ATP13A3: variants seen among roughly 807,000 people sequenced by gnomAD.
ATP13A3 encodes the protein ATPase 13A3, also known as polyamine-transporting ATPase 13A3.
A neutral mutation model predicts 158.1 loss-of-function variants in ATP13A3; 59 were observed. The ratio of observed to expected loss-of-function variants is 0.37; its 90% confidence interval spans 0.30 to 0.46. ATP13A3 has a LOEUF of 0.46. ATP13A3 is among the 20% of genes least tolerant of loss of function. The pLI, the probability that ATP13A3 is intolerant of heterozygous loss-of-function variation, is 1.00. For missense variants in ATP13A3, 1,166 were observed against 1,525.2 expected, an observed-to-expected ratio of 0.76 and a Z score of 3.92; for synonymous variants, 491 against 504.3, an observed-to-expected ratio of 0.97 and a Z score of 0.35.
chr3:194,455,822 A>G, intron 8 of ATP13A3, 71 bp downstream of exon 8: 1 of 974,390 alleles, frequency 1.0e-6, no homozygotes, highest in East Asian at 2.8e-5. Flanking sequence ...GAATATTTTA[A>G]TCACAACTCA....
intron 16 of ATP13A3, among the ~76,000 whole-genome samples, chr3:194,440,359 G>T (rs1237381307): frequency 1.3e-5 from 2 of 152,164 alleles, no homozygotes; most frequent in Non-Finnish European, 2.9e-5. Flanking sequence ...CTGACATGAG[G>T]GTGAGGATTC....
intron 21 of ATP13A3, 64 bp from the exon 22 acceptor site, chr3:194,431,956 T>C (rs1717254604): frequency 7.5e-7 from 1 of 1,325,010 alleles, no homozygotes; most frequent in Admixed American, 2.7e-5. Context: ...ATCAAACATG[T>C]ACTTGCTGAG....
intron 10 of ATP13A3, chr3:194,451,606 A>C (rs1718812974): frequency 6.6e-6 from 1 of 152,296 alleles, no homozygotes; most frequent in African/African-American, 2.4e-5. Context: ...GCCAGGAAGC[A>C]CAGGGAAGGA....
At chr3:194,440,691 TG>T (rs1190305860) in intron 16 of ATP13A3, among the ~76,000 whole-genome samples, 2 of 152,240 alleles carry the variant, frequency 1.3e-5, no homozygotes, top group East Asian at 3.9e-4. Flanking sequence ...ACACCAGCCA[TG>T]GGGTGGGGGC....
At chr3:194,465,805 AAC>A (rs370056574) in intron 2 of ATP13A3, among the ~76,000 whole-genome samples, 4,903 of 148,584 alleles carry the variant, frequency 0.033, 247 homozygotes, top group African/African-American at 0.11. Flanking sequence ...CTCTACTAAA[AAC>A]ACACACACAC....
rs1372613496 is a variant in ATP13A3, at chr3:194,455,901, T to C, written c.622A>G (p.Ile208Val). Residue 208 changes from isoleucine to valine, a missense_variant, in exon 8 of 34, where the codon ATT (isoleucine) becomes GTT (valine). By Grantham distance (29) the Ile-to-Val change is conservative. This residue lies in a region of ATP13A3 where 997 missense variants were observed against 1,341.2 expected (regional missense o/e 0.74). Coordinates refer to ENST00000645319, the MANE Select transcript of ATP13A3 (RefSeq NM_001367549.1). ...ACAATCAATAGTCTTACCTCTTTAA[T>C]TAGAAGCTTAAAAACAGAAGGCACT... ...VKVPSVFKLL[I>V]KEVLNPFYIF... 4.6e-6 allele frequency: 7 copies of C among 1,535,388 alleles called. No homozygotes were observed. Among genetic ancestry groups the C allele is most frequent in the Non-Finnish European group, 5.3e-6 (6 of 1,127,104 alleles).
At chr3:194,447,222 A>C (rs1718465864) in intron 13 of ATP13A3, 107 bp from the exon 14 acceptor site, 1 of 915,108 alleles carries the variant, frequency 1.1e-6, no homozygotes, top group African/African-American at 1.7e-5. Context: ...TGTATATTTC[A>C]ATTTTATGTA....
Position 194,460,794 on chromosome 3 carries a change from G to A in ATP13A3, c.89C>T (p.Ala30Val), listed in dbSNP as rs113966305. The change falls in exon 4 of 34, where the codon GCC (alanine) becomes GTC (valine). Residue 30 changes from alanine to valine, a missense_variant. Around this residue, in one of 3 missense-constraint regions of ATP13A3, gnomAD observed 65 missense variants for 92.4 expected, o/e 0.70. Coordinates refer to ENST00000645319, the MANE Select transcript of ATP13A3 (RefSeq NM_001367549.1). ...YGYNLSRWKL[A>V]IVSLGVICSG... ...GCAAATCACTCCTAAAGAAACTATGGCAAGCTTCCAGCGACTCAAATTGTA... is the reference window on the plus strand; with the variant it reads ...GCAAATCACTCCTAAAGAAACTATGACAAGCTTCCAGCGACTCAAATTGTA... The A allele has an allele frequency of 2.5e-6, 4 of 1,613,892 alleles. No homozygotes were observed. In the African/African-American group the frequency reaches 5.3e-5, roughly 22 times the overall value.
At position 194,448,779 on chromosome 3, in the gene ATP13A3, T is replaced by A. The variant is rs1315692612; in HGVS notation, c.971-143A>T. 3 of 886,204 alleles carry A rather than the reference T, an allele frequency of 3.4e-6. No homozygotes were observed. The highest frequency in any genetic ancestry group is 4.9e-6 in the Non-Finnish European group (3 of 612,536). 54.9% of individuals were successfully genotyped at this position (886,204 alleles called of 1,614,324 possible). A position where few individuals can be genotyped will look rare whatever the true frequency, so the allele number is the denominator to read the frequency against. On this transcript the variant is annotated intron_variant, in intron 11 of 33. Transcript: ENST00000645319. This position sits in a 1 kb window ranked among gnomAD's most constrained non-coding sequence, Gnocchi z 4.0. ...TGTTTACAATAATCACTGAGAGTTG[T>A]ATATGTGGACAACATGGCTTAATTT...
intron 6 of ATP13A3, among the ~76,000 whole-genome samples, chr3:194,457,610 A>C (rs1418177713): frequency 1.3e-5 from 2 of 152,124 alleles, no homozygotes; most frequent in Non-Finnish European, 2.9e-5. Flanking sequence ...TCAAATTAAG[A>C]ATTTCTATTC....
intron 2 of ATP13A3, among the ~76,000 whole-genome samples, chr3:194,469,438 G>C (rs1720193514): frequency 6.6e-6 from 1 of 151,748 alleles, no homozygotes; most frequent in Non-Finnish European, 1.5e-5. Context: ...TCCGGCCTGG[G>C]AACAGAGTGA....
intron 33 of ATP13A3, among the ~76,000 whole-genome samples, chr3:194,410,044 C>T (rs1715243089): frequency 6.6e-6 from 1 of 151,786 alleles, no homozygotes. Flanking sequence ...AAATTCTTGT[C>T]TATTTGATGA....
intron 33 of ATP13A3, among the ~76,000 whole-genome samples, chr3:194,411,409 AT>A (rs1243777649): frequency 6.6e-6 from 1 of 152,198 alleles, no homozygotes; most frequent in Non-Finnish European, 1.5e-5. Flanking sequence ...GTGAGATTTT[AT>A]CAAATTCTCT....
rs1718284472 is a variant in ATP13A3, at chr3:194,444,748, C to T, written c.1536G>A (p.Gly512=). The T allele has an allele frequency of 1.2e-6, 2 of 1,600,016 alleles. No homozygotes were observed. The highest frequency in any genetic ancestry group is 2.3e-5 in the South Asian group (2 of 87,410). Residue 512 remains glycine, a synonymous_variant, in exon 15 of 34, where the codon GGG becomes GGA. Coordinates refer to ENST00000645319, the MANE Select transcript of ATP13A3 (RefSeq NM_001367549.1). The stretch of plus-strand genomic sequence containing the variant: ...ACCGTGCATTTTCCACTCGTTGAAT[C>T]CCCCAAAGATCTAAACCATCTTCAG... ...TLTEDGLDLW[G]IQRVENARFL...
At chr3:194,426,974 C>T (rs759398906) in intron 29 of ATP13A3, 101 bp downstream of exon 29, 120 of 1,316,224 alleles carry the variant, frequency 9.1e-5, no homozygotes, top group Non-Finnish European at 1.1e-4. Context: ...TGTGAGCCAC[C>T]GCACCTGGCA....
intron 33 of ATP13A3, among the ~76,000 whole-genome samples, chr3:194,408,658 TAA>T (rs1474945159): frequency 6.6e-6 from 1 of 152,212 alleles, no homozygotes; most frequent in South Asian, 2.1e-4. Context: ...TCACAATTTT[TAA>T]AAAGTCATGA....
Position 194,459,957 on chromosome 3 carries a change from C to G in ATP13A3, c.240G>C (p.Met80Ile), listed in dbSNP as rs749318302. Reference sequence around the variant, plus strand: ...GAACGCGAATTTTTGCACAAAACCACATTTTGAATTCATCCTTAAAGAGAG... The same window carrying G: ...GAACGCGAATTTTTGCACAAAACCAGATTTTGAATTCATCCTTAAAGAGAG... ...VLLRTTDEFK[M>I]WFCAKIRVLS... is the part of the protein sequence containing the mutation. The change falls in exon 5 of 34, where the codon ATG (methionine) becomes ATC (isoleucine). Residue 80 changes from methionine to isoleucine, a missense_variant. Met to Ile is a conservative substitution (Grantham distance 10, BLOSUM62 1). Coordinates refer to ENST00000645319, the MANE Select transcript of ATP13A3 (RefSeq NM_001367549.1). The G allele has an allele frequency of 6.2e-7, 1 of 1,612,416 alleles. No individual in the cohort carries two copies. The highest frequency in any genetic ancestry group is 8.5e-7 in the Non-Finnish European group (1 of 1,179,042).
chr3:194,423,613 G>A (rs1022355255), intron 30 of ATP13A3, among the ~76,000 whole-genome samples: 1 of 152,212 alleles, frequency 6.6e-6, no homozygotes, highest in Non-Finnish European at 1.5e-5. Flanking sequence ...AAGTACACAA[G>A]CTGCTGACAG....
Position 194,440,817 on chromosome 3 carries a change from A to C in ATP13A3, c.1710+494T>G, listed in dbSNP as rs549259796. Among the ~76,000 whole-genome samples, 11 of 152,344 alleles carry C rather than the reference A, an allele frequency of 7.2e-5. No individual in the cohort carries two copies. The South Asian group carries it at 2.3e-3, about 32-fold the overall frequency. On this transcript the variant is annotated intron_variant, in intron 16 of 33. Coordinates refer to ENST00000645319, the MANE Select transcript of ATP13A3 (RefSeq NM_001367549.1). ...AACTGAATGCTGTAAAATGATAACAACCAGAGAACGTAAGCAGGCACTTAG... is the reference window on the plus strand; with the variant it reads ...AACTGAATGCTGTAAAATGATAACACCCAGAGAACGTAAGCAGGCACTTAG...
Sources: allele counts gnomAD v4.1 joint callset (sites outside exome capture counted in the v4.1 genomes callset), GRCh38; gene constraint gnomAD v4.1.1; regional missense constraint gnomAD v4.1.1; non-coding constraint Gnocchi (gnomAD v3.1); transcripts MANE v1.5; gene names NCBI Gene and HGNC (gene_info 2026-07-23, HGNC 2026-07-21).